The following CLTCL1 variants were observed in gnomAD, a reference collection of about 807,000 sequenced individuals.
CLTCL1 encodes clathrin heavy chain like 1.
CLTCL1 carries 159 observed loss-of-function variants against 190.0 expected under a neutral mutation model. The observed-to-expected ratio is 0.84, with a 90% CI of 0.74 to 0.95. The LOEUF is 0.95. Ranked by LOEUF, CLTCL1 falls within the 40% of genes least tolerant of loss-of-function variation. The pLI is 0.00. For missense variants in CLTCL1, 1,878 were observed against 2,033.4 expected (o/e 0.92, Z 1.47); for synonymous variants, 752 against 769.6 (o/e 0.98, Z 0.38).
rs1555982842 is a variant in CLTCL1, at chr22:19,275,684, T to C, written c.189A>G (p.Arg63=). 3.1e-6 allele frequency: 5 copies of C among 1,606,442 alleles called. No individual in the cohort carries two copies. Among genetic ancestry groups the C allele is most frequent in the Middle Eastern group, 1.7e-4 (1 of 6,058 alleles). Residue 63 remains arginine, a synonymous_variant, in exon 2 of 33, where the codon CGA becomes CGG. Coordinates refer to ENST00000427926, the MANE Select transcript of CLTCL1 (RefSeq NM_007098.4). ...TGGCACTCTCTGCAGAGATAGGCCG[T>C]CGGATCGGAGCCATTGGGTCACTCA... The part of the protein sequence containing the change: ...IDMSDPMAPI[R]RPISAESAIM...
intron 22 of CLTCL1, among the ~76,000 whole-genome samples, chr22:19,206,276 G>C: frequency 6.6e-6 from 1 of 152,048 alleles, no homozygotes; most frequent in East Asian, 1.9e-4. Flanking sequence ...GCCTAGGCTG[G>C]AGTGCAGTGC....
chr22:19,250,650 C>T lies in CLTCL1; in HGVS notation c.519+3309G>A, dbSNP rs543601875. Reference sequence around the variant, plus strand: ...TTCACTGTAACCTCCACCTCCCAGGCTCAAGCAATTCTCCCACCTCAGCCT... The same window carrying T: ...TTCACTGTAACCTCCACCTCCCAGGTTCAAGCAATTCTCCCACCTCAGCCT... On this transcript the variant is annotated intron_variant, in intron 3 of 32. Transcript: ENST00000427926. Among the ~76,000 whole-genome samples the T allele has an allele frequency of 2.6e-5, 4 of 152,154 alleles. No homozygotes were observed. In the South Asian group the frequency reaches 8.3e-4, roughly 32 times the overall value.
chr22:19,267,724 T>C (rs2087164197), intron 2 of CLTCL1, among the ~76,000 whole-genome samples: 1 of 151,924 alleles, frequency 6.6e-6, no homozygotes, highest in African/African-American at 2.4e-5. Flanking sequence ...GGAAACCCCA[T>C]CTCTACTAAG....
chr22:19,216,122 G>A lies in CLTCL1; in HGVS notation c.3054C>T (p.Phe1018=), dbSNP rs1362428782. The change falls in exon 19 of 33, where the codon TTC becomes TTT. Residue 1018 remains phenylalanine, a synonymous_variant. Coordinates refer to ENST00000427926, the MANE Select transcript of CLTCL1 (RefSeq NM_007098.4). ...LEKIVLDNSV[F]SEHRNLQNLL... ...TGGCATAGCCTCACCTGTGCTCGCT[G>A]AAGACAGAGTTATCCAGAACTATCT... 5 of 1,613,580 alleles carry A rather than the reference G, an allele frequency of 3.1e-6. No individual in the cohort carries two copies. The highest frequency in any genetic ancestry group is 4.2e-6 in the Non-Finnish European group (5 of 1,179,704).
intron 11 of CLTCL1, among the ~76,000 whole-genome samples, chr22:19,228,981 T>C (rs2085839149): frequency 6.6e-6 from 1 of 152,170 alleles, no homozygotes; most frequent in South Asian, 2.1e-4. Context: ...TGAGCATTGC[T>C]GGGAAGAATA....
At chr22:19,212,938 T>C (rs1290149130) in intron 19 of CLTCL1, among the ~76,000 whole-genome samples, 1 of 152,234 alleles carries the variant, frequency 6.6e-6, no homozygotes. Flanking sequence ...GTTCTTGTTT[T>C]AACACCAAAG....
intron 2 of CLTCL1, chr22:19,258,882 T>C (rs2086853007): frequency 4.4e-6 from 2 of 458,934 alleles, no homozygotes; most frequent in Admixed American, 3.3e-5. Context: ...ACCCCAACAA[T>C]TAAAATCATA....
chr22:19,252,767 C>A (rs1397246390), intron 3 of CLTCL1, among the ~76,000 whole-genome samples: 6 of 152,180 alleles, frequency 3.9e-5, no homozygotes, highest in Non-Finnish European at 7.3e-5. Context: ...GTAATCCCAG[C>A]ACTTTGGGAG....
intron 2 of CLTCL1, among the ~76,000 whole-genome samples, chr22:19,264,503 G>A (rs990215400): frequency 2.6e-5 from 4 of 152,068 alleles, no homozygotes; most frequent in African/African-American, 9.7e-5. Flanking sequence ...TGTTAACAGC[G>A]GAATTATTTA....
At chr22:19,194,460 T>G (rs1555934330) in intron 26 of CLTCL1, among the ~76,000 whole-genome samples, 2 of 151,946 alleles carry the variant, frequency 1.3e-5, no homozygotes. Context: ...CCAGCCTGAG[T>G]GACAGAGTGA....
intron 5 of CLTCL1, among the ~76,000 whole-genome samples, chr22:19,236,207 T>A (rs1394594571): frequency 2.0e-5 from 3 of 152,228 alleles, no homozygotes; most frequent in African/African-American, 7.2e-5. Context: ...TAAGTTGTAC[T>A]TGATTGAGAA....
chr22:19,227,387 A>G (rs976094451), intron 11 of CLTCL1, among the ~76,000 whole-genome samples: 7 of 150,720 alleles, frequency 4.6e-5, no homozygotes, highest in African/African-American at 1.7e-4. Context: ...GGCTCAAGCA[A>G]TCCTCCCACT....
chr22:19,246,321 A>C (rs190338118), intron 3 of CLTCL1, among the ~76,000 whole-genome samples: 1 of 152,050 alleles, frequency 6.6e-6, no homozygotes, highest in East Asian at 1.9e-4. Context: ...CAGCCTCCCA[A>C]AGTGCTGGGA....
chr22:19,278,322 G>A (rs556838207), intron 1 of CLTCL1, among the ~76,000 whole-genome samples: 2 of 152,236 alleles, frequency 1.3e-5, no homozygotes, highest in South Asian at 4.1e-4. Flanking sequence ...ATAAGAACAT[G>A]GGGGTCATTT....
At chr22:19,217,867 A>G (rs1555950422) in intron 18 of CLTCL1, among the ~76,000 whole-genome samples, 1 of 151,518 alleles carries the variant, frequency 6.6e-6, no homozygotes, top group Non-Finnish European at 1.5e-5. Flanking sequence ...AAAAAAAAAA[A>G]AGAAAGAAAG....
At chr22:19,195,206 G>A (rs1414781360) in intron 26 of CLTCL1, among the ~76,000 whole-genome samples, 4 of 152,158 alleles carry the variant, frequency 2.6e-5, no homozygotes, top group Non-Finnish European at 4.4e-5. Flanking sequence ...CAGCAGCCAC[G>A]TGTGCCAGGC....
At chr22:19,208,691 G>A (rs1446470742) in intron 21 of CLTCL1, among the ~76,000 whole-genome samples, 3 of 151,756 alleles carry the variant, frequency 2.0e-5, no homozygotes, top group African/African-American at 7.3e-5. Flanking sequence ...TATCTAGTGT[G>A]CTTAAATGAC....
chr22:19,228,404 G>A (rs1435582532), intron 11 of CLTCL1, among the ~76,000 whole-genome samples: 1 of 152,158 alleles, frequency 6.6e-6, no homozygotes, highest in Non-Finnish European at 1.5e-5. Flanking sequence ...TTAGGGTCTG[G>A]GCATTCCTTA....
chr22:19,216,692 C>T (rs533598761), intron 18 of CLTCL1, among the ~76,000 whole-genome samples: 2 of 152,246 alleles, frequency 1.3e-5, no homozygotes, highest in Admixed American at 1.3e-4. Flanking sequence ...CGTGCCTTCA[C>T]ACCGGATGAC....
Sources: gnomAD v4.1 joint callset for allele counts (sites outside exome capture counted in the v4.1 genomes callset) on GRCh38, gnomAD v4.1.1 for gene constraint, MANE v1.5 for transcripts, NCBI Gene and HGNC (gene_info 2026-07-23, HGNC 2026-07-21) for gene names.